PPFIBP1: variants seen among roughly 807,000 people sequenced by gnomAD.
PPFIBP1 encodes liprin-beta-1.
A neutral mutation model predicts 137.8 loss-of-function variants in PPFIBP1; 112 were observed. That is an observed-to-expected ratio of 0.81 (90% CI 0.70 to 0.95). The LOEUF (loss-of-function observed/expected upper bound fraction) is 0.95, where lower values mean the gene tolerates loss of function less well. PPFIBP1 is among the 40% of genes least tolerant of loss of function. The pLI is 0.00. For missense variants in PPFIBP1, 1,083 were observed against 1,196.6 expected (o/e 0.91, Z 1.40); for synonymous variants, 378 against 417.3 (o/e 0.91, Z 1.15).
chr12:27,584,501 A>C (rs10771347), intron 2 of PPFIBP1: 66,801 of 152,122 alleles, frequency 0.44, 15,433 homozygotes, highest in Non-Finnish European at 0.52. Flanking sequence ...TGAAGGTACT[A>C]ATGTGGGGGT....
At chr12:27,681,437 A>G in intron 21 of PPFIBP1, 109 bp from the exon 22 acceptor site, 2 of 1,266,774 alleles carry the variant, frequency 1.6e-6, no homozygotes, top group South Asian at 2.9e-5. Context: ...TCAAATGTGT[A>G]TCACCAGGGA....
At chr12:27,650,970 G>T (rs1461108113) in intron 7 of PPFIBP1, among the ~76,000 whole-genome samples, 1 of 152,160 alleles carries the variant, frequency 6.6e-6, no homozygotes, top group Non-Finnish European at 1.5e-5. Flanking sequence ...GTATGGAAGG[G>T]TGTCATGCTG....
intron 26 of PPFIBP1, 44 bp downstream of exon 26, chr12:27,688,467 T>A (rs765136314): frequency 6.2e-7 from 1 of 1,607,312 alleles, no homozygotes; most frequent in Non-Finnish European, 8.5e-7. Context: ...TTTGCTTCCT[T>A]TAGTCTAGTC....
At chr12:27,538,539 A>G (rs761593028) in intron 1 of PPFIBP1, among the ~76,000 whole-genome samples, 2 of 152,220 alleles carry the variant, frequency 1.3e-5, no homozygotes, top group African/African-American at 4.8e-5. Flanking sequence ...GACTCTCAAA[A>G]TGGCTCTTTT....
intron 12 of PPFIBP1, among the ~76,000 whole-genome samples, chr12:27,666,444 G>A (rs888269232): frequency 5.9e-5 from 9 of 152,118 alleles, no homozygotes; most frequent in African/African-American, 1.4e-4. Context: ...TTAAACAAGT[G>A]TATGATTTAC....
chr12:27,677,090 AC>A lies in PPFIBP1; in HGVS notation c.1612del (p.Leu538Ter), dbSNP rs770118978. 3.1e-6 allele frequency: 5 copies of A among 1,614,060 alleles called. No homozygotes were observed. The East Asian group carries it at 1.1e-4, about 36-fold the overall frequency. On this transcript the variant is annotated frameshift_variant, in exon 19 of 30. Coordinates refer to ENST00000228425, the MANE Select transcript of PPFIBP1 (RefSeq NM_003622.4). LOFTEE classifies it high-confidence loss of function. ...TCGTAAACGAAGTGCCAGTGCACCC[AC>A]CCTAGGTATTGTACCCCTGCATGCC... ...LDRKRSASAPTLAETEKETAE... is the reference protein window; with the variant it reads ...LDRKRSASAPXLAETEKETAE...
Position 27,682,694 on chromosome 12 carries a change from C to T in PPFIBP1, c.2238C>T (p.Tyr746=), listed in dbSNP as rs2060947306. 3.1e-6 allele frequency: 5 copies of T among 1,614,018 alleles called. No individual in the cohort carries two copies. In the East Asian group the frequency reaches 6.7e-5, roughly 22 times the overall value. The change falls in exon 24 of 30, where the codon TAC becomes TAT. Residue 746 remains tyrosine (Y), a synonymous_variant. Coordinates refer to ENST00000228425, the MANE Select transcript of PPFIBP1 (RefSeq NM_003622.4). ...EGRVDGRMLH[Y]MTVDDLLSLK... is the part of the protein sequence containing the mutation. ...GGGTTGATGGTCGAATGCTACATTACATGACTGTTGTAAGTGACTCACTCC... is the reference window on the plus strand; with the variant it reads ...GGGTTGATGGTCGAATGCTACATTATATGACTGTTGTAAGTGACTCACTCC...
chr12:27,591,664 A>G (rs2052533282), intron 2 of PPFIBP1, among the ~76,000 whole-genome samples: 1 of 152,140 alleles, frequency 6.6e-6, no homozygotes, highest in African/African-American at 2.4e-5. Flanking sequence ...GTTACCTCAT[A>G]AACTCTCACA....
rs762840377 is a variant in PPFIBP1, at chr12:27,581,968, G to A, written c.-36+3729G>A. On this transcript the variant is annotated intron_variant, in intron 2 of 29. Transcript: ENST00000228425. ...CTCTCTCTTCAAGCAGATGCTTTGC[G>A]TGTGTGTGTGTACGTATGTGTGTGT... Among the ~76,000 whole-genome samples, 6 of 148,758 alleles carry A rather than the reference G, an allele frequency of 4.0e-5. No homozygotes were observed. In the East Asian group the frequency reaches 8.8e-4, roughly 22 times the overall value.
At chr12:27,685,213 G>T (rs1019118575) in intron 24 of PPFIBP1, among the ~76,000 whole-genome samples, 2 of 148,498 alleles carry the variant, frequency 1.3e-5, no homozygotes, top group African/African-American at 5.2e-5. Context: ...GATACATAGA[G>T]TATGTATATA....
At chr12:27,544,802 C>A (rs1336150127) in intron 1 of PPFIBP1, among the ~76,000 whole-genome samples, 1 of 152,164 alleles carries the variant, frequency 6.6e-6, no homozygotes, top group African/African-American at 2.4e-5. Context: ...TAAATTAGTT[C>A]AACCATTGTG....
chr12:27,633,176 C>CA, intron 2 of PPFIBP1, among the ~76,000 whole-genome samples, 186 bp from the exon 3 acceptor site: 1 of 152,134 alleles, frequency 6.6e-6, no homozygotes, highest in South Asian at 2.1e-4. Context: ...TCTTTATTAA[C>CA]TGATACAGGT....
At chr12:27,655,828 A>T (rs2059162520) in intron 8 of PPFIBP1, among the ~76,000 whole-genome samples, 1 of 152,214 alleles carries the variant, frequency 6.6e-6, no homozygotes, top group African/African-American at 2.4e-5. Flanking sequence ...TGAAAGCAAA[A>T]TGTGATGTTG....
In PPFIBP1 at chr12:27,635,113, A is replaced by C; in HGVS notation, c.268A>C (p.Met90Leu). ...ETLVEWLQSQ[M>L]TNGHLPGNGD... is the part of the protein sequence containing the mutation. The stretch of plus-strand genomic sequence containing the variant: ...GCTTGTTGAATGGCTTCAGAGTCAA[A>C]TGGTAGGGTCTGCCTGTTCCAAATT... Residue 90 changes from methionine to leucine, a missense_variant and splice_region_variant, in exon 4 of 30, where the codon ATG (methionine) becomes CTG (leucine). Physicochemically the swap from Met to Leu is conservative, Grantham distance 15. Transcript: ENST00000228425. 6.2e-7 allele frequency: 1 copy of C among 1,614,088 alleles called. No homozygotes were observed. Among genetic ancestry groups the C allele is most frequent in the Non-Finnish European group, 8.5e-7 (1 of 1,179,920 alleles).
intron 1 of PPFIBP1, among the ~76,000 whole-genome samples, chr12:27,573,578 T>G (rs2050310946): frequency 6.6e-6 from 1 of 150,532 alleles, no homozygotes; most frequent in Admixed American, 6.6e-5. Context: ...GGAGATGAGG[T>G]TGGAAAAGTT....
At chr12:27,634,480 A>G (rs2057509140) in intron 3 of PPFIBP1, among the ~76,000 whole-genome samples, 1 of 152,172 alleles carries the variant, frequency 6.6e-6, no homozygotes, top group Non-Finnish European at 1.5e-5. Flanking sequence ...ATTTACTCTG[A>G]TAGTCTTCAT....
intron 1 of PPFIBP1, among the ~76,000 whole-genome samples, chr12:27,529,571 G>A (rs1944172745): frequency 1.3e-5 from 2 of 152,224 alleles, no homozygotes; most frequent in South Asian, 4.1e-4. Context: ...GCGCATGCCT[G>A]TAGTCCCAGC....
rs570074714 is a variant in PPFIBP1, at chr12:27,589,232, T to C, written c.-36+10993T>C. On this transcript the variant is annotated intron_variant, in intron 2 of 29. Coordinates refer to ENST00000228425, the MANE Select transcript of PPFIBP1 (RefSeq NM_003622.4). Reference sequence around the variant, plus strand: ...TTCTTTATTGTTGGTGTAAGGACTTTAGCACTCTCTAGGAAATCGTCTATA... The same window carrying C: ...TTCTTTATTGTTGGTGTAAGGACTTCAGCACTCTCTAGGAAATCGTCTATA... 3.3e-5 allele frequency among the ~76,000 whole-genome samples: 5 copies of C among 152,368 alleles called. No homozygotes were observed. The South Asian group carries it at 1.0e-3, about 32-fold the overall frequency.
At chr12:27,628,454 C>T (rs1411582728) in intron 2 of PPFIBP1, among the ~76,000 whole-genome samples, 1 of 152,194 alleles carries the variant, frequency 6.6e-6, no homozygotes. Flanking sequence ...AGTGGGATTA[C>T]AGGTGTGAGT....
Sources: gnomAD v4.1 joint callset for allele counts (sites outside exome capture counted in the v4.1 genomes callset) on GRCh38, gnomAD v4.1.1 for gene constraint, MANE v1.5 for transcripts, NCBI Gene and HGNC (gene_info 2026-07-23, HGNC 2026-07-21) for gene names.